Variants in PDE1C observed in about 807,000 individuals in gnomAD.
The protein encoded by PDE1C is phosphodiesterase 1C.
A neutral mutation model predicts 93.1 loss-of-function variants in PDE1C; 62 were observed. The observed-to-expected ratio is 0.67, with a 90% CI of 0.54 to 0.82. The LOEUF (loss-of-function observed/expected upper bound fraction) is 0.82. Among genes scored for constraint, PDE1C ranks in the 40% least tolerant of loss-of-function variants. PDE1C has a pLI of 0.00. For synonymous variants in PDE1C, 325 were observed against 310.1 expected (o/e 1.05, Z -0.50); for missense variants, 742 against 884.6 (o/e 0.84, Z 2.04).
At chr7:31,998,266 G>A (rs548325206) in intron 2 of PDE1C, among the ~76,000 whole-genome samples, 31 of 152,138 alleles carry the variant, frequency 2.0e-4, no homozygotes, top group Admixed American at 6.5e-4. Context: ...TGATTCTCCC[G>A]CCTTGGCCTC....
Position 31,790,189 on chromosome 7 carries a change from C to T in PDE1C, c.1892-14457G>A, listed in dbSNP as rs1371486785. 9 of 1,607,858 alleles carry T rather than the reference C, an allele frequency of 5.6e-6. No individual in the cohort carries two copies. In the East Asian group the frequency reaches 2.0e-4, roughly 36 times the overall value. On this transcript the variant is annotated intron_variant, in intron 16 of 17. Transcript: ENST00000396191. ...AAGGAGAAGAAGGAGAATGAAGAAG[C>T]TCAGCTAGAATGATGCAAGACACTG...
intron 1 of PDE1C, among the ~76,000 whole-genome samples, chr7:32,228,181 C>T (rs552986130): frequency 6.6e-6 from 1 of 152,312 alleles, no homozygotes; most frequent in African/African-American, 2.4e-5. Context: ...GACTAGAGAA[C>T]CTTCAGAGAA....
intron 2 of PDE1C, among the ~76,000 whole-genome samples, chr7:31,952,792 A>C (rs1252262448): frequency 6.6e-6 from 1 of 152,176 alleles, no homozygotes; most frequent in Admixed American, 6.5e-5. Flanking sequence ...TACAAATATA[A>C]ATAAACTTAT....
chr7:32,371,820 A>ATC (rs1784340821), intron 1 of PDE1C, among the ~76,000 whole-genome samples: 2 of 152,160 alleles, frequency 1.3e-5, no homozygotes, highest in Admixed American at 1.3e-4. Context: ...TTTTTTGCAG[A>ATC]AATTAACAAG....
At chr7:31,824,780 A>C in intron 13 of PDE1C, 87 bp downstream of exon 13, 1 of 1,533,244 alleles carries the variant, frequency 6.5e-7, no homozygotes, top group Admixed American at 1.9e-5. Flanking sequence ...GCCATTATGA[A>C]ATACCATCCC....
intron 1 of PDE1C, among the ~76,000 whole-genome samples, chr7:32,315,513 A>T (rs1783149743): frequency 6.6e-6 from 1 of 152,218 alleles, no homozygotes; most frequent in African/African-American, 2.4e-5. Flanking sequence ...GTTTGTTCTT[A>T]TGAACATATC....
chr7:31,725,197 G>T, the PDE1C span, among the ~76,000 whole-genome samples: 1 of 152,024 alleles, frequency 6.6e-6, no homozygotes, highest in African/African-American at 2.4e-5. Flanking sequence ...AGGACCACAG[G>T]GGTCTCTGTG....
the PDE1C span, among the ~76,000 whole-genome samples, chr7:31,739,420 T>C: frequency 6.6e-6 from 1 of 152,158 alleles, no homozygotes; most frequent in African/African-American, 2.4e-5. Flanking sequence ...TTATAAAGGC[T>C]CCTGGAAGCA....
At chr7:32,058,607 A>C (rs927467578) in intron 1 of PDE1C, among the ~76,000 whole-genome samples, 3 of 152,208 alleles carry the variant, frequency 2.0e-5, no homozygotes, top group Admixed American at 1.3e-4. Flanking sequence ...CGCGCTACTG[A>C]GAATGGAAAG....
intron 3 of PDE1C, among the ~76,000 whole-genome samples, chr7:32,111,856 T>C (rs1798660566): frequency 6.6e-6 from 1 of 152,134 alleles, no homozygotes; most frequent in Non-Finnish European, 1.5e-5. Context: ...TCCACATCAG[T>C]TACCTGCTTG....
the PDE1C span, among the ~76,000 whole-genome samples, chr7:31,716,383 G>A: frequency 5.3e-5 from 8 of 152,296 alleles, no homozygotes; most frequent in Non-Finnish European, 8.8e-5. Flanking sequence ...CAAATATGCA[G>A]AGAGAGGGAG....
chr7:32,034,163 C>T (rs1790726270), intron 2 of PDE1C, among the ~76,000 whole-genome samples: 1 of 151,868 alleles, frequency 6.6e-6, no homozygotes, highest in Admixed American at 6.6e-5. Flanking sequence ...ATATCAACCC[C>T]TTACTGGAAA....
At chr7:31,955,808 C>T (rs1306397518) in intron 2 of PDE1C, among the ~76,000 whole-genome samples, 2 of 152,194 alleles carry the variant, frequency 1.3e-5, no homozygotes, top group African/African-American at 2.4e-5. Flanking sequence ...CACAAGAGTC[C>T]CGCCTGCCAG....
intron 9 of PDE1C, among the ~76,000 whole-genome samples, chr7:31,844,153 C>T (rs1330809550): frequency 6.6e-6 from 1 of 151,612 alleles, no homozygotes; most frequent in Non-Finnish European, 1.5e-5. Flanking sequence ...TTTACATTTA[C>T]CCAGATATTT....
At chr7:32,117,083 C>G (rs1268282482) in intron 3 of PDE1C, among the ~76,000 whole-genome samples, 3 of 152,170 alleles carry the variant, frequency 2.0e-5, no homozygotes, top group Non-Finnish European at 4.4e-5. Context: ...GAAATCAAAA[C>G]TTTCATTTGG....
chr7:32,326,347 T>C (rs1247750568), intron 1 of PDE1C, among the ~76,000 whole-genome samples: 2 of 152,132 alleles, frequency 1.3e-5, no homozygotes, highest in Non-Finnish European at 2.9e-5. Context: ...AAAGCCATGA[T>C]ACTGAATGAG....
At chr7:31,716,277 GC>G in the PDE1C span, among the ~76,000 whole-genome samples, 1 of 152,058 alleles carries the variant, frequency 6.6e-6, no homozygotes, top group African/African-American at 2.4e-5. Flanking sequence ...TCATTCAGTT[GC>G]CCAAGTTATT....
At position 31,998,042 on chromosome 7, in the gene PDE1C, C is replaced by T. The variant is rs199578164; in HGVS notation, c.128+53512G>A. The stretch of plus-strand genomic sequence containing the variant: ...TATTTATTTATTTATTTTTTTGAGA[C>T]GGAGTCTCACTCTGTTGCCCAGGCT... On this transcript the variant is annotated intron_variant, in intron 2 of 17. Transcript: ENST00000396191. 4.4e-4 allele frequency among the ~76,000 whole-genome samples: 65 copies of T among 147,864 alleles called. No homozygotes were observed. The East Asian group carries it at 5.1e-3, about 12-fold the overall frequency.
At chr7:31,622,306 T>G in the PDE1C span, among the ~76,000 whole-genome samples, 1 of 151,920 alleles carries the variant, frequency 6.6e-6, no homozygotes, top group African/African-American at 2.4e-5. Context: ...ATATACATTT[T>G]TTTTTCAGCA....
Sources: gnomAD v4.1 joint callset for allele counts (sites outside exome capture counted in the v4.1 genomes callset) on GRCh38, gnomAD v4.1.1 for gene constraint, MANE v1.5 for transcripts, NCBI Gene and HGNC (gene_info 2026-07-23, HGNC 2026-07-21) for gene names.